The following WIPI2 variants were observed in gnomAD, a reference collection of about 807,000 sequenced individuals.
The protein encoded by WIPI2 is WD repeat domain, phosphoinositide interacting 2, also known as WD repeat domain phosphoinositide-interacting protein 2.
WIPI2 carries 28 observed loss-of-function variants against 52.3 expected under a neutral mutation model. The observed-to-expected ratio is 0.54, with a 90% CI of 0.40 to 0.73. The LOEUF (loss-of-function observed/expected upper bound fraction) is 0.73. Ranked by LOEUF, WIPI2 falls within the 30% of genes least tolerant of loss-of-function variation. The probability of loss-of-function intolerance (pLI) is 0.00; values close to 1 mark genes in which losing one functional copy is unlikely to be tolerated. For synonymous variants in WIPI2, 268 were observed against 245.0 expected, an observed-to-expected ratio of 1.09 and a Z score of -0.88; for missense variants, 506 against 602.9, an observed-to-expected ratio of 0.84 and a Z score of 1.68.
At chr7:5,228,059 T>C in intron 10 of WIPI2, 45 bp from the exon 11 acceptor site, 1 of 1,593,662 alleles carries the variant, frequency 6.3e-7, no homozygotes, top group South Asian at 1.1e-5. Context: ...TAAGACCGTT[T>C]CTGTGACAGT....
chr7:5,207,279 A>T (rs1011165351), intron 3 of WIPI2, among the ~76,000 whole-genome samples: 4 of 152,008 alleles, frequency 2.6e-5, no homozygotes, highest in African/African-American at 9.7e-5. Flanking sequence ...GTTTACCATC[A>T]CTCCAGAAAG....
At position 5,200,146 on chromosome 7, in the gene WIPI2, G is replaced by C. The variant is rs140960408; in HGVS notation, c.211+488G>C. ...CTCTTGCTCAGTCATGTTTTGTGTG[G>C]TTCTAGATGGATTACTTCATCTCTG... On this transcript the variant is annotated intron_variant, in intron 3 of 12. Coordinates refer to ENST00000288828, the MANE Select transcript of WIPI2 (RefSeq NM_015610.4). 4.6e-3 allele frequency among the ~76,000 whole-genome samples: 697 copies of C among 152,272 alleles called. 11 individuals are homozygous for C. Among genetic ancestry groups the C allele is most frequent in the African/African-American group, 0.013 (551 of 41,562 alleles).
intron 3 of WIPI2, among the ~76,000 whole-genome samples, chr7:5,205,741 C>G (rs1782262698): frequency 6.6e-6 from 1 of 152,138 alleles, no homozygotes; most frequent in Non-Finnish European, 1.5e-5. Flanking sequence ...CTCCTGACCT[C>G]AAGTGATCCA....
chr7:5,191,970 G>C (rs1781505108), intron 1 of WIPI2, among the ~76,000 whole-genome samples: 2 of 152,134 alleles, frequency 1.3e-5, no homozygotes, highest in Non-Finnish European at 2.9e-5. Flanking sequence ...CTGGGTTTTG[G>C]AATTGGTTAA....
intron 1 of WIPI2, among the ~76,000 whole-genome samples, chr7:5,192,912 A>G (rs765811412): frequency 2.0e-5 from 3 of 152,144 alleles, no homozygotes; most frequent in South Asian, 2.1e-4. Context: ...ACTAGAATAT[A>G]TATGTTATAG....
At chr7:5,194,984 A>C (rs1293356409) in intron 2 of WIPI2, among the ~76,000 whole-genome samples, 1 of 152,044 alleles carries the variant, frequency 6.6e-6, no homozygotes, top group Non-Finnish European at 1.5e-5. Flanking sequence ...CCGTGAAATG[A>C]GGAGGATGTG....
intron 2 of WIPI2, among the ~76,000 whole-genome samples, chr7:5,195,942 G>C (rs1781728116): frequency 6.6e-6 from 1 of 152,136 alleles, no homozygotes. Context: ...GGGACGCTGA[G>C]GCAGGAGAAT....
chr7:5,212,781 G>A (rs1782620289), intron 3 of WIPI2, among the ~76,000 whole-genome samples: 1 of 152,252 alleles, frequency 6.6e-6, no homozygotes, highest in Non-Finnish European at 1.5e-5. Context: ...GCCTCCCAAA[G>A]TGCGGGGATT....
In WIPI2 at chr7:5,230,024, C is replaced by T. The variant is rs1448902316; in HGVS notation, c.1252+286C>T. 6.6e-6 allele frequency among the ~76,000 whole-genome samples: 1 copy of T among 151,508 alleles called. No homozygotes were observed. The highest frequency in any genetic ancestry group is 6.6e-5 in the Admixed American group (1 of 15,202). On this transcript the variant is annotated intron_variant, in intron 12 of 12. Coordinates refer to ENST00000288828, the MANE Select transcript of WIPI2 (RefSeq NM_015610.4). This position sits in a 1 kb window ranked among gnomAD's most constrained non-coding sequence, Gnocchi z 4.8. ...CTGGGCTCAAGTGATTCTCCCGCCT[C>T]AGCCTCCCACAGTGCTGGGATTATA...
At chr7:5,216,839 G>A in intron 5 of WIPI2, 180 bp downstream of exon 5, 1 of 709,478 alleles carries the variant, frequency 1.4e-6, no homozygotes, top group Non-Finnish European at 2.3e-6. Flanking sequence ...TAAGCTCATT[G>A]GTTTGATCAA....
intron 1 of WIPI2, among the ~76,000 whole-genome samples, chr7:5,191,458 CAG>C (rs1781481528): frequency 1.3e-5 from 2 of 152,296 alleles, no homozygotes; most frequent in South Asian, 2.1e-4. Flanking sequence ...CCAGGAGTCT[CAG>C]AGCTCCAGCG....
chr7:5,216,961 A>G, intron 5 of WIPI2, 129 bp from the exon 6 acceptor site: 1 of 1,033,102 alleles, frequency 9.7e-7, no homozygotes, highest in East Asian at 2.6e-5. Flanking sequence ...CTAACACAGC[A>G]AACAAGATTG....
At chr7:5,196,484 G>C (rs1478850329) in intron 2 of WIPI2, among the ~76,000 whole-genome samples, 4 of 152,146 alleles carry the variant, frequency 2.6e-5, no homozygotes, top group Non-Finnish European at 5.9e-5. Flanking sequence ...AAACTGTGGG[G>C]TTAAACTTCT....
intron 8 of WIPI2, 32 bp from the exon 9 acceptor site, chr7:5,225,791 G>A (rs910733288): frequency 4.5e-6 from 7 of 1,557,254 alleles, no homozygotes; most frequent in East Asian, 2.3e-5. Flanking sequence ...TGCTGGCTCC[G>A]GTGGCCCGCC....
intron 6 of WIPI2, 73 bp from the exon 7 acceptor site, chr7:5,217,849 G>A (rs188850716): frequency 1.6e-5 from 24 of 1,458,950 alleles, no homozygotes; most frequent in Non-Finnish European, 2.1e-5. Flanking sequence ...TGGCACTTGC[G>A]GACCAAGTGT....
At chr7:5,208,017 C>T (rs905367067) in intron 3 of WIPI2, among the ~76,000 whole-genome samples, 2 of 152,148 alleles carry the variant, frequency 1.3e-5, no homozygotes, top group African/African-American at 4.8e-5. Flanking sequence ...CCGGCCATCT[C>T]GACCTCCCAA....
intron 3 of WIPI2, among the ~76,000 whole-genome samples, chr7:5,209,471 TC>T (rs1782451129): frequency 6.6e-6 from 1 of 152,206 alleles, no homozygotes; most frequent in Non-Finnish European, 1.5e-5. Context: ...TCTTCCTAAT[TC>T]CAGGTTTCTT....
At chr7:5,203,623 G>A (rs1352840595) in intron 3 of WIPI2, among the ~76,000 whole-genome samples, 1 of 130,266 alleles carries the variant, frequency 7.7e-6, no homozygotes, top group East Asian at 2.3e-4. Flanking sequence ...TTTACGTTCA[G>A]CCTTTTTTTT....
chr7:5,191,603 C>T (rs1447044982), intron 1 of WIPI2, among the ~76,000 whole-genome samples: 1 of 152,056 alleles, frequency 6.6e-6, no homozygotes, highest in Non-Finnish European at 1.5e-5. Context: ...GATGAGCGAG[C>T]TTTCTGGAGA....
Sources: allele counts gnomAD v4.1 joint callset (sites outside exome capture counted in the v4.1 genomes callset), GRCh38; gene constraint gnomAD v4.1.1; non-coding constraint Gnocchi (gnomAD v3.1); transcripts MANE v1.5; gene names NCBI Gene and HGNC (gene_info 2026-07-23, HGNC 2026-07-21).